The following B4GALNT3 variants were observed in gnomAD, a reference collection of about 807,000 sequenced individuals.
The protein encoded by B4GALNT3 is beta-1,4-N-acetyl-galactosaminyltransferase 3.
In B4GALNT3, 86 loss-of-function variants were observed where a neutral mutation model predicts 120.2. The observed-to-expected ratio is 0.72, with a 90% CI of 0.60 to 0.86. The LOEUF (loss-of-function observed/expected upper bound fraction) is 0.86, where lower values mean the gene tolerates loss of function less well. B4GALNT3 is among the 40% of genes least tolerant of loss of function. The pLI is 0.00. For missense variants in B4GALNT3, 1,167 were observed against 1,298.9 expected (o/e 0.90, Z 1.56); for synonymous variants, 518 against 510.4 (o/e 1.01, Z -0.20).
chr12:497,162 TA>T (rs1946397356), intron 1 of B4GALNT3, among the ~76,000 whole-genome samples: 1 of 151,978 alleles, frequency 6.6e-6, no homozygotes, highest in Admixed American at 6.6e-5. Flanking sequence ...TTTTTTTAAT[TA>T]TTTTTTTGAG....
intron 11 of B4GALNT3, 100 bp downstream of exon 11, chr12:551,131 A>G (rs1405844536): frequency 2.9e-6 from 3 of 1,034,534 alleles, no homozygotes; most frequent in Non-Finnish European, 4.3e-6. Flanking sequence ...CATCTTCCCA[A>G]CATCCCATCC....
At chr12:512,366 T>C (rs1193173321) in intron 1 of B4GALNT3, among the ~76,000 whole-genome samples, 2 of 97,492 alleles carry the variant, frequency 2.1e-5, no homozygotes, top group African/African-American at 4.4e-5. Context: ...CCTTCGACCT[T>C]CTTCCACCTT....
intron 6 of B4GALNT3, among the ~76,000 whole-genome samples, chr12:545,859 G>A (rs1946996595): frequency 2.3e-5 from 1 of 43,182 alleles, no homozygotes; most frequent in Non-Finnish European, 4.5e-5. Context: ...GGAGCGAGGA[G>A]TGGGGAGGTG....
At chr12:553,043 C>A in intron 13 of B4GALNT3, 151 bp from the exon 14 acceptor site, 2 of 1,141,558 alleles carry the variant, frequency 1.8e-6, no homozygotes, top group Non-Finnish European at 2.5e-6. Context: ...AGTACCTTGC[C>A]CAGGGTCACA....
chr12:510,364 TC>T (rs1946533907), intron 1 of B4GALNT3, among the ~76,000 whole-genome samples: 2 of 151,498 alleles, frequency 1.3e-5, no homozygotes, highest in Non-Finnish European at 2.9e-5. Flanking sequence ...GGTGTGGCCT[TC>T]CTTGGGGTGA....
chr12:515,489 A>T (rs12826282), intron 1 of B4GALNT3, among the ~76,000 whole-genome samples: 2 of 151,772 alleles, frequency 1.3e-5, no homozygotes, highest in East Asian at 1.9e-4. Flanking sequence ...GAGCCACCGC[A>T]CCCAGCCTCA....
intron 1 of B4GALNT3, among the ~76,000 whole-genome samples, chr12:475,846 C>T (rs1946179574): frequency 6.6e-6 from 1 of 152,138 alleles, no homozygotes; most frequent in Non-Finnish European, 1.5e-5. Context: ...CTGGTTAGGA[C>T]AGTTTGCTTC....
chr12:559,571 C>T (rs1327852998), intron 19 of B4GALNT3, 150 bp downstream of exon 19: 1 of 1,142,520 alleles, frequency 8.8e-7, no homozygotes, highest in Non-Finnish European at 1.2e-6. Flanking sequence ...GCCCTCAAAT[C>T]ACCGGCCTCG....
At chr12:499,089 G>A (rs945915562) in intron 1 of B4GALNT3, among the ~76,000 whole-genome samples, 4 of 152,228 alleles carry the variant, frequency 2.6e-5, no homozygotes, top group African/African-American at 9.6e-5. Flanking sequence ...TATAATTTGA[G>A]ATGAGAGTTT....
intron 1 of B4GALNT3, among the ~76,000 whole-genome samples, chr12:518,931 A>G (rs1247762310): frequency 4.6e-5 from 7 of 152,244 alleles, no homozygotes; most frequent in Non-Finnish European, 8.8e-5. Flanking sequence ...GACGATATAC[A>G]TAATAGATGC....
rs1947030811 is a variant in B4GALNT3, at chr12:548,100, G to A, written c.784G>A (p.Ala262Thr). Residue 262 changes from alanine (A) to threonine (T), a missense_variant and splice_region_variant, in exon 8 of 20, where the codon GCA (alanine) becomes ACA (threonine). Around this residue, in one of 3 missense-constraint regions of B4GALNT3, gnomAD observed 983 missense variants for 1,102.5 expected, o/e 0.89. Coordinates refer to ENST00000266383, the MANE Select transcript of B4GALNT3 (RefSeq NM_173593.4). The surrounding 1 kb of genome is among the most constrained non-coding windows in gnomAD (Gnocchi z 4.9). ...GGAGGGCACCGACCACGTGGAAGTT[G>A]CAGTGAGTTTCCTGCTGCTCCCGCC... ...NEEGTDHVEV[A>T]WRRNDPGAKF... The A allele has an allele frequency of 1.9e-6, 3 of 1,613,836 alleles. No individual in the cohort carries two copies. Among genetic ancestry groups the A allele is most frequent in the Non-Finnish European group, 2.5e-6 (3 of 1,179,916 alleles).
chr12:522,851 C>T (rs1273275139), intron 1 of B4GALNT3, among the ~76,000 whole-genome samples: 8 of 146,864 alleles, frequency 5.4e-5, no homozygotes, highest in East Asian at 2.1e-4. Flanking sequence ...GTGGGATGAT[C>T]GCTTGAACCT....
chr12:519,679 C>A (rs1946687428), intron 1 of B4GALNT3, among the ~76,000 whole-genome samples: 1 of 148,816 alleles, frequency 6.7e-6, no homozygotes, highest in African/African-American at 2.5e-5. Context: ...TCTGAGATAT[C>A]CTTGATTTTC....
intron 1 of B4GALNT3, among the ~76,000 whole-genome samples, chr12:531,217 G>A (rs1039103922): frequency 2.6e-5 from 4 of 151,154 alleles, no homozygotes; most frequent in Admixed American, 1.3e-4. Flanking sequence ...CACCTGAGAC[G>A]CACTTGGTGA....
chr12:511,818 A>C (rs1487042335), intron 1 of B4GALNT3, among the ~76,000 whole-genome samples: 2 of 45,124 alleles, frequency 4.4e-5, no homozygotes, highest in African/African-American at 1.6e-4. Flanking sequence ...ACCTTCTTCC[A>C]CCTTCCACCT....
intron 1 of B4GALNT3, among the ~76,000 whole-genome samples, chr12:501,138 G>C (rs1439627006): frequency 6.6e-6 from 1 of 152,054 alleles, no homozygotes; most frequent in Admixed American, 6.6e-5. Context: ...GCCTCCCAAA[G>C]TGCTGGGATT....
At position 474,041 on chromosome 12, in the gene B4GALNT3, G is replaced by T. The variant is rs1055364755; in HGVS notation, c.169+13496G>T. Among the ~76,000 whole-genome samples the T allele has an allele frequency of 4.6e-5, 7 of 152,030 alleles. No individual in the cohort carries two copies. In the East Asian group the frequency reaches 1.3e-3, roughly 29 times the overall value. The stretch of plus-strand genomic sequence containing the variant: ...TCAGGAATTTGGAGAATGGGAGCTG[G>T]GTAGAAGAGGAAAAAAATGTAGAAC... On this transcript the variant is annotated intron_variant, in intron 1 of 19. Transcript: ENST00000266383.
chr12:516,762 G>T (rs1354441072), intron 1 of B4GALNT3, among the ~76,000 whole-genome samples: 2 of 152,180 alleles, frequency 1.3e-5, no homozygotes, highest in African/African-American at 2.4e-5. Flanking sequence ...CTTACATTTT[G>T]GTGGAGTTCC....
chr12:481,549 C>A (rs1946242662), intron 1 of B4GALNT3, among the ~76,000 whole-genome samples: 1 of 152,214 alleles, frequency 6.6e-6, no homozygotes, highest in African/African-American at 2.4e-5. Flanking sequence ...TTCTCCTAAC[C>A]CTGTGTTGTC....
Sources: gnomAD v4.1 joint callset for allele counts (sites outside exome capture counted in the v4.1 genomes callset) on GRCh38, gnomAD v4.1.1 for gene constraint, gnomAD v4.1.1 regional missense constraint, Gnocchi (gnomAD v3.1) non-coding constraint, MANE v1.5 for transcripts, NCBI Gene and HGNC (gene_info 2026-07-23, HGNC 2026-07-21) for gene names.